The following OPCML variants were observed in gnomAD, a reference collection of about 807,000 sequenced individuals.
The protein encoded by OPCML is opioid-binding protein/cell adhesion molecule.
OPCML carries 13 observed loss-of-function variants against 37.8 expected under a neutral mutation model. The observed-to-expected ratio is 0.34, with a 90% CI of 0.22 to 0.55. The LOEUF is 0.55. Among genes scored for constraint, OPCML ranks in the 20% least tolerant of loss-of-function variants. The pLI, the probability that OPCML is intolerant of heterozygous loss-of-function variation, is 0.91. For synonymous variants in OPCML, 176 were observed against 168.8 expected (o/e 1.04, Z -0.33); for missense variants, 341 against 435.6 (o/e 0.78, Z 1.93).
intron 2 of OPCML, among the ~76,000 whole-genome samples, chr11:132,757,069 T>C (rs992930419): frequency 1.3e-5 from 2 of 152,174 alleles, no homozygotes; most frequent in Non-Finnish European, 2.9e-5. Context: ...TCTGTTCCTG[T>C]GTTAGTTTGC....
intron 1 of OPCML, among the ~76,000 whole-genome samples, chr11:133,436,316 A>T (rs1417311991): frequency 6.6e-6 from 1 of 152,178 alleles, no homozygotes; most frequent in Non-Finnish European, 1.5e-5. Context: ...TGTATTTTTG[A>T]CTTGGCAAAA....
intron 4 of OPCML, among the ~76,000 whole-genome samples, chr11:132,454,544 T>G (rs1398315363): frequency 2.0e-5 from 3 of 152,196 alleles, no homozygotes; most frequent in Non-Finnish European, 4.4e-5. Context: ...CACTGCTCAC[T>G]GCGACAGCCT....
chr11:132,947,132 A>G (rs775957149), intron 1 of OPCML, among the ~76,000 whole-genome samples: 3 of 152,118 alleles, frequency 2.0e-5, no homozygotes, highest in Non-Finnish European at 4.4e-5. Flanking sequence ...TTCTCAAGAG[A>G]CAAAAATGGA....
At chr11:133,132,117 G>A (rs1949613934) in intron 1 of OPCML, among the ~76,000 whole-genome samples, 1 of 152,162 alleles carries the variant, frequency 6.6e-6, no homozygotes, top group Non-Finnish European at 1.5e-5. Context: ...CACTGAAAGT[G>A]TTTTCAAATC....
At chr11:132,876,641 C>G (rs1201065664) in intron 2 of OPCML, among the ~76,000 whole-genome samples, 2 of 152,182 alleles carry the variant, frequency 1.3e-5, no homozygotes, top group Non-Finnish European at 2.9e-5. Flanking sequence ...AAGCAGAAAT[C>G]TATATCTAAT....
At chr11:132,988,788 C>G (rs1031772609) in intron 1 of OPCML, among the ~76,000 whole-genome samples, 3 of 152,098 alleles carry the variant, frequency 2.0e-5, no homozygotes, top group Non-Finnish European at 4.4e-5. Context: ...CTAATTATCT[C>G]AATTAGATTG....
intron 3 of OPCML, among the ~76,000 whole-genome samples, chr11:132,609,842 T>C (rs1322164417): frequency 2.6e-5 from 4 of 152,190 alleles, no homozygotes; most frequent in Admixed American, 6.5e-5. Flanking sequence ...GATATCTGTA[T>C]CTCTAGTGCC....
chr11:133,096,690 A>G (rs1949008753), intron 1 of OPCML, among the ~76,000 whole-genome samples: 1 of 152,104 alleles, frequency 6.6e-6, no homozygotes, highest in African/African-American at 2.4e-5. Context: ...AGAAGAAAAT[A>G]TGCCATGGTA....
At chr11:133,120,042 A>T (rs1949396974) in intron 1 of OPCML, among the ~76,000 whole-genome samples, 1 of 151,962 alleles carries the variant, frequency 6.6e-6, no homozygotes, top group Admixed American at 6.6e-5. Flanking sequence ...GAAGCCTGAA[A>T]CTCAAAGACA....
At chr11:132,537,687 A>C (rs2137345358) in intron 3 of OPCML, among the ~76,000 whole-genome samples, 1 of 152,366 alleles carries the variant, frequency 6.6e-6, no homozygotes. Context: ...ATATCTAATA[A>C]CGGACTACTG....
chr11:132,469,963 GTGTT>G (rs2096132757), intron 4 of OPCML, among the ~76,000 whole-genome samples: 1 of 151,382 alleles, frequency 6.6e-6, no homozygotes, highest in Non-Finnish European at 1.5e-5. Context: ...ACGTGTATGT[GTGTT>G]TGTGGTGGGG....
At chr11:133,479,148 C>T (rs377496991) in intron 1 of OPCML, among the ~76,000 whole-genome samples, 85 of 152,196 alleles carry the variant, frequency 5.6e-4, no homozygotes, top group African/African-American at 2.0e-3. Context: ...TCAGTTGGTC[C>T]ATGAGCTGCC....
intron 1 of OPCML, among the ~76,000 whole-genome samples, chr11:133,453,432 T>G (rs68101450): frequency 0.13 from 20,172 of 152,168 alleles, 3,181 homozygotes; most frequent in African/African-American, 0.38. Context: ...GCTTTGCTTT[T>G]CTTTTTCATA....
At chr11:132,727,404 C>T (rs74681706) in intron 2 of OPCML, among the ~76,000 whole-genome samples, 9,524 of 152,256 alleles carry the variant, frequency 0.063, 674 homozygotes, top group African/African-American at 0.18. Context: ...ATTCAGAAAA[C>T]AAACAGGCGT....
intron 2 of OPCML, among the ~76,000 whole-genome samples, chr11:132,780,219 G>A (rs1409472457): frequency 6.6e-6 from 1 of 152,152 alleles, no homozygotes; most frequent in Non-Finnish European, 1.5e-5. Flanking sequence ...TTTGCTTCTG[G>A]TAGTTTGCAA....
chr11:132,831,584 T>C (rs1280858772), intron 2 of OPCML, among the ~76,000 whole-genome samples: 4 of 152,094 alleles, frequency 2.6e-5, no homozygotes, highest in Non-Finnish European at 1.5e-5. Flanking sequence ...TTAAATAGAC[T>C]TGCTTCCTCC....
At chr11:132,707,894 A>C (rs1944100826) in intron 2 of OPCML, among the ~76,000 whole-genome samples, 2 of 152,352 alleles carry the variant, frequency 1.3e-5, no homozygotes, top group South Asian at 2.1e-4. Flanking sequence ...ATTGAGCCTG[A>C]AAACAGTTCA....
At chr11:133,256,833 G>T (rs1311186136) in intron 1 of OPCML, among the ~76,000 whole-genome samples, 1 of 152,170 alleles carries the variant, frequency 6.6e-6, no homozygotes. Flanking sequence ...TTATTATCAT[G>T]CATTGCTTTA....
At chr11:132,674,155 T>C (rs1942598925) in intron 2 of OPCML, among the ~76,000 whole-genome samples, 1 of 152,104 alleles carries the variant, frequency 6.6e-6, no homozygotes, top group Non-Finnish European at 1.5e-5. Context: ...AAAGCAAACA[T>C]ACACTAACAG....
Sources: gnomAD v4.1 joint callset for allele counts (sites outside exome capture counted in the v4.1 genomes callset) on GRCh38, gnomAD v4.1.1 for gene constraint, MANE v1.5 for transcripts, NCBI Gene and HGNC (gene_info 2026-07-23, HGNC 2026-07-21) for gene names.